The following AP1AR variants were observed in gnomAD, a reference collection of about 807,000 sequenced individuals.
AP1AR encodes the protein AP-1 complex-associated regulatory protein.
In AP1AR, 29 loss-of-function variants were observed where a neutral mutation model predicts 46.3. That is an observed-to-expected ratio of 0.63 (90% CI 0.47 to 0.85). The LOEUF is 0.85. Ranked by LOEUF, AP1AR falls within the 40% of genes least tolerant of loss-of-function variation. The pLI is 0.00. For synonymous variants in AP1AR, 122 were observed against 122.9 expected, an observed-to-expected ratio of 0.99 and a Z score of 0.05; for missense variants, 357 against 356.3, an observed-to-expected ratio of 1.00 and a Z score of -0.02.
chr4:112,264,195 A>G (rs553349477), intron 6 of AP1AR, among the ~76,000 whole-genome samples: 1 of 152,238 alleles, frequency 6.6e-6, no homozygotes, highest in South Asian at 2.1e-4. Context: ...TAAGAAAAGT[A>G]TTTTTCTGGT....
intron 1 of AP1AR, among the ~76,000 whole-genome samples, chr4:112,239,028 T>C (rs1446551277): frequency 1.3e-5 from 2 of 152,210 alleles, no homozygotes; most frequent in African/African-American, 4.8e-5. Context: ...ACCCAGGTTA[T>C]CAAGTCCCTG....
chr4:112,258,701 T>C (rs142047484), intron 4 of AP1AR, among the ~76,000 whole-genome samples: 443 of 152,248 alleles, frequency 2.9e-3, no homozygotes, highest in African/African-American at 9.7e-3. Context: ...ACAAGGAAAG[T>C]ATGTGAGGTG....
At chr4:112,254,848 G>A (rs79801738) in intron 3 of AP1AR, 75 bp downstream of exon 3, 49,157 of 724,244 alleles carry the variant, frequency 0.068, 1,997 homozygotes, top group Middle Eastern at 0.092. Flanking sequence ...TAACAATTAC[G>A]TTTACAATTT....
chr4:112,265,133 A>G (rs986008685), intron 7 of AP1AR, 66 bp downstream of exon 7: 3 of 1,263,552 alleles, frequency 2.4e-6, no homozygotes, highest in African/African-American at 3.0e-5. Context: ...GTAGAGCATC[A>G]TTCACCTCAA....
chr4:112,232,446 T>A (rs1358087819), intron 1 of AP1AR, among the ~76,000 whole-genome samples: 1 of 152,060 alleles, frequency 6.6e-6, no homozygotes, highest in Non-Finnish European at 1.5e-5. Flanking sequence ...GGAGACATCA[T>A]CTCCAGGAAA....
At chr4:112,252,683 T>C (rs1389897711) in intron 1 of AP1AR, among the ~76,000 whole-genome samples, 1 of 152,254 alleles carries the variant, frequency 6.6e-6, no homozygotes, top group Non-Finnish European at 1.5e-5. Flanking sequence ...TGCATTGTTT[T>C]TCTCTTTTAT....
chr4:112,265,865 G>A, intron 8 of AP1AR, 58 bp downstream of exon 8: 1 of 1,110,048 alleles, frequency 9.0e-7, no homozygotes, highest in Admixed American at 2.3e-5. Context: ...GATAAGTAGA[G>A]ATTCTGGCTC....
chr4:112,238,503 T>G (rs369964865), intron 1 of AP1AR, among the ~76,000 whole-genome samples: 1 of 152,150 alleles, frequency 6.6e-6, no homozygotes, highest in East Asian at 1.9e-4. Flanking sequence ...ATTAGAAGAT[T>G]TATTTTGGTT....
At chr4:112,263,825 G>A (rs989485342) in intron 6 of AP1AR, among the ~76,000 whole-genome samples, 1 of 152,170 alleles carries the variant, frequency 6.6e-6, no homozygotes, top group African/African-American at 2.4e-5. Context: ...AGTAGGATAT[G>A]TTTTGTAACT....
chr4:112,254,445 G>A (rs1285527517), intron 2 of AP1AR, among the ~76,000 whole-genome samples: 1 of 152,130 alleles, frequency 6.6e-6, no homozygotes, highest in East Asian at 1.9e-4. Context: ...GAAATTACTT[G>A]TATGAAATAT....
chr4:112,238,554 A>G (rs948401864), intron 1 of AP1AR, among the ~76,000 whole-genome samples: 1 of 152,184 alleles, frequency 6.6e-6, no homozygotes, highest in African/African-American at 2.4e-5. Flanking sequence ...AAAGTGTAAG[A>G]TGTTTCTCTT....
Position 112,268,464 on chromosome 4 carries a change from A to G in AP1AR, c.*55A>G. On this transcript the variant is annotated 3_prime_UTR_variant, in exon 10 of 10. Transcript: ENST00000274000. The stretch of plus-strand genomic sequence containing the variant: ...TATGACCAAATGTTAAAAACCAACT[A>G]GAATGTATAAGTGATTGTGCTTAGC... The G allele has an allele frequency of 6.7e-7, 1 of 1,497,466 alleles. No homozygotes were observed. The highest frequency in any genetic ancestry group is 8.9e-7 in the Non-Finnish European group (1 of 1,117,462). The allele number at this position is 1,497,466 out of a possible 1,614,324, so 92.8% of individuals were successfully genotyped here.
chr4:112,268,040 C>A, intron 9 of AP1AR, 104 bp from the exon 10 acceptor site: 2 of 1,199,308 alleles, frequency 1.7e-6, no homozygotes, highest in Non-Finnish European at 2.2e-6. Flanking sequence ...ATTCACACAT[C>A]AAGTCTGATA....
chr4:112,240,222 G>C (rs62313753), intron 1 of AP1AR, among the ~76,000 whole-genome samples: 1 of 152,086 alleles, frequency 6.6e-6, no homozygotes, highest in Non-Finnish European at 1.5e-5. Context: ...TTTGCTTCAT[G>C]TGTGTCACAC....
At chr4:112,267,786 T>G (rs557480710) in intron 9 of AP1AR, among the ~76,000 whole-genome samples, 2 of 152,086 alleles carry the variant, frequency 1.3e-5, no homozygotes, top group South Asian at 4.1e-4. Context: ...AATGAAATTA[T>G]GTGGGTAGGA....
chr4:112,232,045 A>T lies in AP1AR; in HGVS notation c.-47A>T, dbSNP rs1057002706. The stretch of plus-strand genomic sequence containing the variant: ...GCAGCTGCCGGGCCTGGGTTTGGGC[A>T]TTGAGCGGGAGGAGGAGGAGGAGCG... On this transcript the variant is annotated 5_prime_UTR_variant, in exon 1 of 10. Transcript: ENST00000274000. 2.2e-6 allele frequency: 3 copies of T among 1,341,752 alleles called. No individual in the cohort carries two copies. Among genetic ancestry groups the T allele is most frequent in the Non-Finnish European group, 2.9e-6 (3 of 1,038,392 alleles). 83.1% of individuals were successfully genotyped at this position (1,341,752 alleles called of 1,614,324 possible).
At chr4:112,237,291 A>G (rs139781505) in intron 1 of AP1AR, among the ~76,000 whole-genome samples, 3,967 of 152,018 alleles carry the variant, frequency 0.026, 177 homozygotes, top group East Asian at 0.16. Context: ...ATTTTTTAGT[A>G]GAGACGGGGT....
intron 9 of AP1AR, among the ~76,000 whole-genome samples, chr4:112,267,912 T>C: frequency 6.6e-6 from 1 of 151,960 alleles, no homozygotes; most frequent in East Asian, 1.9e-4. Flanking sequence ...GGATAATCGA[T>C]GCATCAAAAC....
chr4:112,257,710 GTTACT>G, intron 3 of AP1AR, 57 bp from the exon 4 acceptor site: 1 of 1,296,760 alleles, frequency 7.7e-7, no homozygotes, highest in Non-Finnish European at 1.0e-6. Context: ...AATTGTATTG[GTTACT>G]TTAAATAGAA....
Sources: allele counts gnomAD v4.1 joint callset (sites outside exome capture counted in the v4.1 genomes callset), GRCh38; gene constraint gnomAD v4.1.1; transcripts MANE v1.5; gene names NCBI Gene and HGNC (gene_info 2026-07-23, HGNC 2026-07-21).